NRG3: variants seen among roughly 807,000 people sequenced by gnomAD.
NRG3 encodes neuregulin 3.
In NRG3, 31 loss-of-function variants were observed where a neutral mutation model predicts 66.9. The observed-to-expected ratio is 0.46, with a 90% CI of 0.35 to 0.63. The LOEUF (loss-of-function observed/expected upper bound fraction) is 0.63, where lower values mean the gene tolerates loss of function less well. Among genes scored for constraint, NRG3 ranks in the 20% least tolerant of loss-of-function variants. The pLI, the probability that NRG3 is intolerant of heterozygous loss-of-function variation, is 0.00. For missense variants in NRG3, 910 were observed against 878.9 expected (o/e 1.04, Z -0.45); for synonymous variants, 393 against 359.4 (o/e 1.09, Z -1.06).
intron 3 of NRG3, among the ~76,000 whole-genome samples, chr10:82,802,951 G>T (rs1350329740): frequency 6.6e-6 from 1 of 152,154 alleles, no homozygotes; most frequent in Non-Finnish European, 1.5e-5. Flanking sequence ...TGGGATTACA[G>T]ATGTAAACAT....
At chr10:81,900,149 A>G (rs1843901091) in intron 1 of NRG3, among the ~76,000 whole-genome samples, 1 of 152,056 alleles carries the variant, frequency 6.6e-6, no homozygotes, top group Non-Finnish European at 1.5e-5. Flanking sequence ...GGGTTTCACC[A>G]TGTTGTCCAG....
At chr10:82,551,223 A>T (rs778629408) in intron 2 of NRG3, among the ~76,000 whole-genome samples, 1 of 152,204 alleles carries the variant, frequency 6.6e-6, no homozygotes, top group Non-Finnish European at 1.5e-5. Context: ...CTAAAGAGAG[A>T]GAGAAAGAGT....
At chr10:82,332,636 G>A (rs971293159) in intron 1 of NRG3, among the ~76,000 whole-genome samples, 3 of 152,098 alleles carry the variant, frequency 2.0e-5, no homozygotes, top group Non-Finnish European at 4.4e-5. Context: ...TGAAATTCCT[G>A]TTTCGTGAAT....
intron 1 of NRG3, among the ~76,000 whole-genome samples, chr10:82,153,624 C>T (rs952673799): frequency 6.6e-5 from 10 of 151,746 alleles, no homozygotes; most frequent in East Asian, 1.9e-4. Context: ...TAATTTGGGG[C>T]GGGGGAACCA....
chr10:82,973,859 G>A lies in NRG3; in HGVS notation c.1356G>A (p.Gln452=), dbSNP rs908291493. The A allele has an allele frequency of 1.9e-6, 3 of 1,613,976 alleles. No individual in the cohort carries two copies. Among genetic ancestry groups the A allele is most frequent in the African/African-American group, 1.3e-5 (1 of 74,928 alleles). Residue 452 remains glutamine, a synonymous_variant, in exon 7 of 9, where the codon CAG becomes CAA. Coordinates refer to ENST00000372141, the MANE Select transcript of NRG3 (RefSeq NM_001010848.4). ...KMMESSFVGP[Q]SFPEVPSPDR... is the part of the protein sequence containing the mutation. ...TGGAGTCAAGTTTTGTCGGCCCCCA[G>A]TCATTCCCTGAGGTCCCTTCTCCTG...
chr10:81,883,948 G>A (rs1404165378), intron 1 of NRG3, among the ~76,000 whole-genome samples: 5 of 152,148 alleles, frequency 3.3e-5, no homozygotes, highest in East Asian at 1.9e-4. Context: ...GAGGGTTACC[G>A]TGTGCCTGGG....
intron 1 of NRG3, among the ~76,000 whole-genome samples, chr10:82,304,175 AT>A (rs137906800): frequency 0.027 from 4,126 of 152,208 alleles, 71 homozygotes; most frequent in African/African-American, 0.055. Flanking sequence ...GGAGGTTTGG[AT>A]TTTTAGAGCC....
intron 2 of NRG3, among the ~76,000 whole-genome samples, chr10:82,506,745 A>G (rs1016250647): frequency 2.0e-5 from 3 of 152,192 alleles, no homozygotes; most frequent in African/African-American, 7.2e-5. Flanking sequence ...TTTTTTATGC[A>G]TTACACTATA....
intron 2 of NRG3, among the ~76,000 whole-genome samples, chr10:82,502,137 C>G (rs904823215): frequency 5.3e-5 from 8 of 152,132 alleles, no homozygotes; most frequent in Admixed American, 4.6e-4. Flanking sequence ...TGACATAACT[C>G]TGATTGCTTT....
At chr10:82,308,404 A>C (rs1372256988) in intron 1 of NRG3, among the ~76,000 whole-genome samples, 1 of 151,980 alleles carries the variant, frequency 6.6e-6, no homozygotes, top group African/African-American at 2.4e-5. Flanking sequence ...GCCATTTTTG[A>C]TGGGGCTCTC....
intron 1 of NRG3, among the ~76,000 whole-genome samples, chr10:82,098,871 C>T (rs575410167): frequency 4.6e-4 from 70 of 152,310 alleles, no homozygotes; most frequent in African/African-American, 1.6e-3. Flanking sequence ...TCACACCATT[C>T]TCCTGCCTCA....
intron 3 of NRG3, among the ~76,000 whole-genome samples, chr10:82,843,933 T>TTA (rs2063184520): frequency 1.3e-5 from 2 of 152,152 alleles, no homozygotes; most frequent in Admixed American, 1.3e-4. Context: ...TAAGTATATA[T>TTA]GGCAAAACAT....
intron 2 of NRG3, among the ~76,000 whole-genome samples, chr10:82,384,724 G>A (rs907171027): frequency 1.3e-5 from 2 of 152,134 alleles, no homozygotes; most frequent in Admixed American, 1.3e-4. Context: ...ATTGTGAGTA[G>A]TGATGCCATG....
At chr10:82,447,347 G>A (rs2090783692) in intron 2 of NRG3, among the ~76,000 whole-genome samples, 2 of 152,200 alleles carry the variant, frequency 1.3e-5, no homozygotes, top group South Asian at 4.1e-4. Context: ...CACTTTGGGA[G>A]CTGAGGCAGG....
intron 4 of NRG3, among the ~76,000 whole-genome samples, chr10:82,944,939 A>C (rs891042321): frequency 2.0e-5 from 3 of 152,196 alleles, no homozygotes; most frequent in Non-Finnish European, 4.4e-5. Flanking sequence ...GTTTTGATCC[A>C]GATTTGTTTC....
At chr10:82,915,633 TA>T (rs80023205) in intron 4 of NRG3, among the ~76,000 whole-genome samples, 38,143 of 150,462 alleles carry the variant, frequency 0.25, 5,236 homozygotes, top group East Asian at 0.52. Context: ...CACTTCAAAG[TA>T]AAAAAAAAAT....
intron 1 of NRG3, among the ~76,000 whole-genome samples, chr10:82,346,678 G>C (rs947646346): frequency 6.6e-6 from 1 of 150,696 alleles, no homozygotes; most frequent in South Asian, 2.1e-4. Context: ...GAATTCGGCT[G>C]TGAATCCATC....
At chr10:82,619,228 TA>T (rs1457865890) in intron 2 of NRG3, among the ~76,000 whole-genome samples, 1 of 152,112 alleles carries the variant, frequency 6.6e-6, no homozygotes, top group African/African-American at 2.4e-5. Context: ...AAATAAAGAA[TA>T]AAAAAGTTTT....
At chr10:82,240,143 T>C (rs2076945249) in intron 1 of NRG3, among the ~76,000 whole-genome samples, 1 of 152,156 alleles carries the variant, frequency 6.6e-6, no homozygotes, top group South Asian at 2.1e-4. Context: ...CATAGGATTT[T>C]ACATTGAATA....
Sources: allele counts gnomAD v4.1 joint callset (sites outside exome capture counted in the v4.1 genomes callset), GRCh38; gene constraint gnomAD v4.1.1; transcripts MANE v1.5; gene names NCBI Gene and HGNC (gene_info 2026-07-23, HGNC 2026-07-21).